PRKAA2: variants seen among roughly 807,000 people sequenced by gnomAD.
The protein encoded by PRKAA2 is 5'-AMP-activated protein kinase catalytic subunit alpha-2.
PRKAA2 carries 40 observed loss-of-function variants against 56.3 expected under a neutral mutation model. That is an observed-to-expected ratio of 0.71 (90% CI 0.55 to 0.92). The LOEUF (loss-of-function observed/expected upper bound fraction) is 0.92. Among genes scored for constraint, PRKAA2 ranks in the 40% least tolerant of loss-of-function variants. The pLI is 0.00. For missense variants in PRKAA2, 542 were observed against 686.9 expected (o/e 0.79, Z 2.36); for synonymous variants, 214 against 234.2 (o/e 0.91, Z 0.79).
chr1:56,678,571 A>G (rs1318768954), intron 2 of PRKAA2, among the ~76,000 whole-genome samples: 1 of 152,230 alleles, frequency 6.6e-6, no homozygotes, highest in Non-Finnish European at 1.5e-5. Context: ...AAACTTTCCT[A>G]TGAAGTAGAA....
intron 1 of PRKAA2, among the ~76,000 whole-genome samples, chr1:56,650,536 A>G (rs1049978599): frequency 1.3e-5 from 2 of 152,194 alleles, no homozygotes; most frequent in African/African-American, 2.4e-5. Context: ...TGTTTGTGTT[A>G]TATAAAGACT....
At chr1:56,701,485 C>T (rs991442355) in intron 6 of PRKAA2, among the ~76,000 whole-genome samples, 9 of 152,084 alleles carry the variant, frequency 5.9e-5, no homozygotes, top group Admixed American at 4.6e-4. Flanking sequence ...AGCCAATAAA[C>T]ACATGAATGA....
intron 1 of PRKAA2, among the ~76,000 whole-genome samples, chr1:56,657,946 T>C (rs1475372936): frequency 6.6e-6 from 1 of 152,146 alleles, no homozygotes; most frequent in Non-Finnish European, 1.5e-5. Context: ...ACTAAATAGA[T>C]ACTGACTATA....
At position 56,684,166 on chromosome 1, in the gene PRKAA2, C is replaced by A. The variant is rs954663604; in HGVS notation, c.237-7228C>A. Among the ~76,000 whole-genome samples the A allele has an allele frequency of 7.9e-5, 12 of 152,006 alleles. No individual in the cohort carries two copies. In the South Asian group the frequency reaches 2.3e-3, roughly 29 times the overall value. ...TAAGGATGACGCCAAGGCATCTGGC[C>A]TCGGCGAAAAAACAAGGATGGAGTT... On this transcript the variant is annotated intron_variant, in intron 2 of 8. Transcript: ENST00000371244.
At position 56,676,677 on chromosome 1, in the gene PRKAA2, AATT is replaced by A. The variant is rs1370979408; in HGVS notation, c.236+2159_236+2161del. 3.9e-5 allele frequency among the ~76,000 whole-genome samples: 6 copies of A among 152,332 alleles called. No homozygotes were observed. The South Asian group carries it at 1.2e-3, about 32-fold the overall frequency. ...AAATCCTTAAATAAATGGCTGGTCC[AATT>A]ATTGTTGAGATTTGGAACATTCATT... On this transcript the variant is annotated intron_variant, in intron 2 of 8. Coordinates refer to ENST00000371244, the MANE Select transcript of PRKAA2 (RefSeq NM_006252.4).
Position 56,707,619 on chromosome 1 carries a change from G to A in PRKAA2, c.1565G>A (p.Gly522Glu), listed in dbSNP as rs779142006. ...GGCTCTCTCACTGGCTCTTTGACCG[G>A]AAGCACATTGTCTTCAGTTTCACCT... ...LSGSLTGSLT[G>E]STLSSVSPRL... is the part of the protein sequence containing the mutation. Residue 522 changes from glycine to glutamate, a missense_variant, in exon 9 of 9, where the codon GGA becomes GAA. Physicochemically the swap from Gly to Glu is moderately conservative, Grantham distance 98. This residue lies in a region of PRKAA2 where 158 missense variants were observed against 166.1 expected (regional missense o/e 0.95). Transcript: ENST00000371244. 1 of 1,614,022 alleles carries A rather than the reference G, an allele frequency of 6.2e-7. No homozygotes were observed. Among genetic ancestry groups the A allele is most frequent in the Admixed American group, 1.7e-5 (1 of 60,006 alleles).
chr1:56,645,425 T>C lies in PRKAA2; in HGVS notation c.38T>C (p.Ile13Thr). Residue 13 changes from isoleucine to threonine, a missense_variant, in exon 1 of 9, where the codon ATC (isoleucine) becomes ACC (threonine). Coordinates refer to ENST00000371244, the MANE Select transcript of PRKAA2 (RefSeq NM_006252.4). ...EKQKHDGRVK[I>T]GHYVLGDTLG... Reference sequence around the variant, plus strand: ...CAGAAGCACGACGGGCGGGTGAAGATCGGACACTACGTGCTGGGCGACACG... The same window carrying C: ...CAGAAGCACGACGGGCGGGTGAAGACCGGACACTACGTGCTGGGCGACACG... 6.6e-7 allele frequency: 1 copy of C among 1,515,910 alleles called. No homozygotes were observed. 93.9% of individuals were successfully genotyped at this position (1,515,910 alleles called of 1,614,324 possible). A position where few individuals can be genotyped will look rare whatever the true frequency, so the allele number is the denominator to read the frequency against.
chr1:56,700,432 A>C (rs1644286501), intron 6 of PRKAA2, among the ~76,000 whole-genome samples: 1 of 151,966 alleles, frequency 6.6e-6, no homozygotes, highest in Admixed American at 6.6e-5. Context: ...TGGCCCTTTC[A>C]ATTTTTTCTC....
intron 6 of PRKAA2, among the ~76,000 whole-genome samples, chr1:56,701,619 G>T (rs755745997): frequency 6.6e-6 from 1 of 152,114 alleles, no homozygotes; most frequent in South Asian, 2.1e-4. Flanking sequence ...AGTTGTCGCC[G>T]GGCGCGGTGG....
At chr1:56,680,532 T>C (rs7367181) in intron 2 of PRKAA2, among the ~76,000 whole-genome samples, 67,607 of 151,782 alleles carry the variant, frequency 0.45, 15,629 homozygotes, top group East Asian at 0.59. Flanking sequence ...TGACAGGCCC[T>C]GGTGTGTGAT....
chr1:56,696,274 T>C (rs1274395114), intron 6 of PRKAA2, 115 bp downstream of exon 6: 1 of 890,078 alleles, frequency 1.1e-6, no homozygotes, highest in African/African-American at 1.7e-5. Flanking sequence ...CCAGTACTCA[T>C]GCTTCAGCCA....
chr1:56,649,377 AGAT>A (rs1646669017), intron 1 of PRKAA2, among the ~76,000 whole-genome samples: 1 of 152,130 alleles, frequency 6.6e-6, no homozygotes. Context: ...AGCTAATAGG[AGAT>A]GATGTAATTT....
intron 1 of PRKAA2, among the ~76,000 whole-genome samples, chr1:56,660,742 T>A (rs1643987571): frequency 6.6e-6 from 1 of 152,158 alleles, no homozygotes; most frequent in Admixed American, 6.5e-5. Flanking sequence ...AATTTCTAAT[T>A]TCCAGTTTGC....
chr1:56,655,280 A>ATATATATATATATATATAT, intron 1 of PRKAA2, among the ~76,000 whole-genome samples: 4 of 93,652 alleles, frequency 4.3e-5, no homozygotes, highest in African/African-American at 1.8e-4. Flanking sequence ...ATATATATAT[A>ATATATATATATATATATAT]TTTTTTTTTT....
rs533305233 is a variant in PRKAA2 at position 56,679,896 on chromosome 1, T to C, written c.236+5374T>C. On this transcript the variant is annotated intron_variant, in intron 2 of 8. Coordinates refer to ENST00000371244, the MANE Select transcript of PRKAA2 (RefSeq NM_006252.4). ...ATGACAAGGATAAAGACCTTGATGG[T>C]GATCCATTTCCACTTAATGAGTAGT... 4.1e-3 allele frequency among the ~76,000 whole-genome samples: 625 copies of C among 152,302 alleles called. 3 individuals carry two copies. Among genetic ancestry groups the C allele is most frequent in the Non-Finnish European group, 6.6e-3 (450 of 68,012 alleles).
intron 1 of PRKAA2, among the ~76,000 whole-genome samples, chr1:56,658,876 A>C (rs141388142): frequency 3.3e-4 from 50 of 150,586 alleles, no homozygotes; most frequent in Middle Eastern, 6.8e-3. Context: ...AGTAGCTGGG[A>C]CTCCAGGTAT....
chr1:56,671,279 T>C (rs1644074101), intron 1 of PRKAA2, among the ~76,000 whole-genome samples: 1 of 152,144 alleles, frequency 6.6e-6, no homozygotes. Context: ...TAAATCCCCA[T>C]TGTAGGGATT....
At chr1:56,660,234 C>T (rs754828802) in intron 1 of PRKAA2, among the ~76,000 whole-genome samples, 10 of 152,182 alleles carry the variant, frequency 6.6e-5, no homozygotes, top group Non-Finnish European at 1.3e-4. Context: ...ACACATCAGA[C>T]ACTCAGAACA....
chr1:56,709,137 T>TA lies in PRKAA2; in HGVS notation c.*1431dup, dbSNP rs973025797. The TA allele has an allele frequency of 2.6e-5, 4 of 152,220 alleles. No individual in the cohort carries two copies. The highest frequency in any genetic ancestry group is 1.3e-4 in the Admixed American group (2 of 15,270). The allele number at this position is 152,220 out of a possible 1,614,324, so 9.4% of individuals were successfully genotyped here. On this transcript the variant is annotated 3_prime_UTR_variant, in exon 9 of 9. Coordinates refer to ENST00000371244, the MANE Select transcript of PRKAA2 (RefSeq NM_006252.4). ...TAACACTTATTTACCTGGATTACCC[T>TA]AAAAAAATTAAGCTCTTGAAAACAA... is the stretch of plus-strand genomic sequence containing the variant.
Sources: allele counts gnomAD v4.1 joint callset (sites outside exome capture counted in the v4.1 genomes callset), GRCh38; gene constraint gnomAD v4.1.1; regional missense constraint gnomAD v4.1.1; transcripts MANE v1.5; gene names NCBI Gene and HGNC (gene_info 2026-07-23, HGNC 2026-07-21).